The following BMPR1A variants were observed in gnomAD, a reference collection of about 807,000 sequenced individuals.
The protein encoded by BMPR1A is bone morphogenetic protein receptor type 1A.
A neutral mutation model predicts 66.0 loss-of-function variants in BMPR1A; 7 were observed. The observed-to-expected ratio is 0.11, with a 90% confidence interval of 0.06 to 0.20. The LOEUF (loss-of-function observed/expected upper bound fraction) is 0.20. Among genes scored for constraint, BMPR1A ranks in the 10% least tolerant of loss-of-function variants. BMPR1A has a pLI of 1.00. For synonymous variants in BMPR1A, 200 were observed against 229.7 expected (o/e 0.87, Z 1.17); for missense variants, 408 against 669.1 (o/e 0.61, Z 4.31).
chr10:86,874,149 T>C (rs967153239), intron 2 of BMPR1A, among the ~76,000 whole-genome samples: 15 of 152,068 alleles, frequency 9.9e-5, no homozygotes, highest in Middle Eastern at 3.2e-3. Flanking sequence ...CATGAAACAA[T>C]GGGATGGGGG....
At chr10:86,785,221 G>A (rs1000076134) in intron 1 of BMPR1A, among the ~76,000 whole-genome samples, 2 of 152,200 alleles carry the variant, frequency 1.3e-5, no homozygotes, top group African/African-American at 2.4e-5. Context: ...CTTGTTCTGT[G>A]GCCTAACATG....
intron 3 of BMPR1A, among the ~76,000 whole-genome samples, chr10:86,887,275 A>G (rs1032115108): frequency 2.0e-5 from 3 of 152,226 alleles, no homozygotes; most frequent in Non-Finnish European, 4.4e-5. Flanking sequence ...TTGCCTGCAC[A>G]TAATAGACCC....
chr10:86,837,251 G>GTGTGTGTGTGTGTGTC (rs1842365442), intron 1 of BMPR1A, among the ~76,000 whole-genome samples: 2 of 127,128 alleles, frequency 1.6e-5, no homozygotes, highest in Non-Finnish European at 3.1e-5. Flanking sequence ...GTGTGTCTGT[G>GTGTGTGTGTGTGTGTC]TGTGTGTGTG....
rs994495431 is a variant in BMPR1A at position 86,883,181 on chromosome 10, TATTTC to T, written c.68-6879_68-6875del. ...ATTATCGTGGGTAATTTTGAAATAA[TATTTC>T]AGTTAAGTATAAGACACCTTGGCTG... On this transcript the variant is annotated intron_variant, in intron 3 of 12. Transcript: ENST00000372037. Among the ~76,000 whole-genome samples, 5 of 151,950 alleles carry T rather than the reference TATTTC, an allele frequency of 3.3e-5. No individual in the cohort carries two copies. In the East Asian group the frequency reaches 5.8e-4, roughly 18 times the overall value.
At chr10:86,800,103 A>G (rs1420590517) in intron 1 of BMPR1A, among the ~76,000 whole-genome samples, 3 of 152,354 alleles carry the variant, frequency 2.0e-5, no homozygotes, top group East Asian at 1.9e-4. Context: ...TTGGCTTATA[A>G]TGTAATTTTT....
intron 4 of BMPR1A, among the ~76,000 whole-genome samples, chr10:86,890,806 T>C (rs1395551917): frequency 6.6e-6 from 1 of 152,192 alleles, no homozygotes; most frequent in Admixed American, 6.5e-5. Context: ...TTTTATGCTT[T>C]TTTCTTACCT....
intron 3 of BMPR1A, among the ~76,000 whole-genome samples, chr10:86,882,407 AGT>A (rs1843002283): frequency 6.6e-6 from 1 of 151,670 alleles, no homozygotes; most frequent in Admixed American, 6.6e-5. Context: ...TGGGCAACAG[AGT>A]GAGACCCTGT....
chr10:86,765,039 T>C (rs192045544), intron 1 of BMPR1A, among the ~76,000 whole-genome samples: 368 of 152,108 alleles, frequency 2.4e-3, no homozygotes, highest in African/African-American at 8.6e-3. Flanking sequence ...GGTGAGACCT[T>C]GTCTCAGTTA....
At chr10:86,858,379 T>G (rs531922815) in intron 2 of BMPR1A, among the ~76,000 whole-genome samples, 2 of 152,308 alleles carry the variant, frequency 1.3e-5, no homozygotes. Flanking sequence ...ATTTTAAAAT[T>G]GTGTTTATAT....
intron 1 of BMPR1A, among the ~76,000 whole-genome samples, chr10:86,804,091 T>C (rs1190907559): frequency 1.3e-5 from 2 of 152,202 alleles, no homozygotes; most frequent in African/African-American, 4.8e-5. Flanking sequence ...TCAACATATT[T>C]AACTTCTTTT....
intron 7 of BMPR1A, among the ~76,000 whole-genome samples, chr10:86,904,448 T>C (rs143382179): frequency 6.6e-5 from 10 of 152,288 alleles, no homozygotes; most frequent in African/African-American, 2.4e-4. Context: ...AACCAACATC[T>C]TTAAAGTGCC....
Position 86,923,590 on chromosome 10 carries a change from T to C in BMPR1A, c.1474-4T>C. On this transcript the variant is annotated splice_region_variant and splice_polypyrimidine_tract_variant and intron_variant, in intron 12 of 12. Transcript: ENST00000372037. Reference sequence around the variant, plus strand: ...TGCTCACTGAACATCTCTTTACTTTTCAGTGTCTACGAGCAGTTTTGAAGC... The same window carrying C: ...TGCTCACTGAACATCTCTTTACTTTCCAGTGTCTACGAGCAGTTTTGAAGC... 1 of 1,614,232 alleles carries C rather than the reference T, an allele frequency of 6.2e-7. No homozygotes were observed. The highest frequency in any genetic ancestry group is 8.5e-7 in the Non-Finnish European group (1 of 1,180,046).
chr10:86,830,168 C>T (rs763875041), intron 1 of BMPR1A, among the ~76,000 whole-genome samples: 18 of 152,054 alleles, frequency 1.2e-4, no homozygotes, highest in Non-Finnish European at 2.2e-4. Context: ...CTAAACTGAC[C>T]GTAACAGGAT....
chr10:86,888,795 C>G (rs1436141050), intron 3 of BMPR1A, among the ~76,000 whole-genome samples: 1 of 148,400 alleles, frequency 6.7e-6, no homozygotes, highest in Non-Finnish European at 1.5e-5. Context: ...TCACTGTACT[C>G]CAGCCTGGGC....
At chr10:86,915,674 G>T (rs149795240) in intron 8 of BMPR1A, among the ~76,000 whole-genome samples, 3 of 152,258 alleles carry the variant, frequency 2.0e-5, no homozygotes, top group African/African-American at 7.2e-5. Flanking sequence ...GTTGCAGTGA[G>T]CTGAGATTGG....
chr10:86,833,555 G>T (rs1276550140), intron 1 of BMPR1A, among the ~76,000 whole-genome samples: 1 of 152,130 alleles, frequency 6.6e-6, no homozygotes, highest in Non-Finnish European at 1.5e-5. Context: ...TCGGCAATTG[G>T]GCACTTTTTG....
intron 1 of BMPR1A, among the ~76,000 whole-genome samples, chr10:86,781,985 GCCT>G (rs1173147255): frequency 6.7e-6 from 1 of 148,200 alleles, no homozygotes; most frequent in Non-Finnish European, 1.5e-5. Context: ...TTCTGCCTCA[GCCT>G]CCTAAGTAGC....
At chr10:86,906,808 A>G (rs1054387961) in intron 7 of BMPR1A, among the ~76,000 whole-genome samples, 1 of 149,890 alleles carries the variant, frequency 6.7e-6, no homozygotes, top group African/African-American at 2.4e-5. Context: ...GACTCCAATT[A>G]TACATATTTT....
At chr10:86,764,699 C>A (rs879543536) in intron 1 of BMPR1A, among the ~76,000 whole-genome samples, 42 of 152,184 alleles carry the variant, frequency 2.8e-4, no homozygotes, top group Non-Finnish European at 5.6e-4. Flanking sequence ...ACGTAAATAT[C>A]CGATTCAGGT....
Sources: allele counts gnomAD v4.1 joint callset (sites outside exome capture counted in the v4.1 genomes callset), GRCh38; gene constraint gnomAD v4.1.1; transcripts MANE v1.5; gene names NCBI Gene and HGNC (gene_info 2026-07-23, HGNC 2026-07-21).